Variants in LRFN5 observed in about 807,000 individuals in gnomAD.
LRFN5 encodes the protein leucine rich repeat and fibronectin type III domain containing 5, also known as leucine-rich repeat and fibronectin type-III domain-containing protein 5.
Under a neutral mutation model 45.6 loss-of-function variants are expected in LRFN5, and 24 were observed. That is an observed-to-expected ratio of 0.53 (90% confidence interval 0.38 to 0.74). LRFN5 has a LOEUF of 0.74. Among genes scored for constraint, LRFN5 ranks in the 30% least tolerant of loss-of-function variants. The pLI, the probability that LRFN5 is intolerant of heterozygous loss-of-function variation, is 0.00. For missense variants in LRFN5, 776 were observed against 861.5 expected (o/e 0.90, Z 1.24); for synonymous variants, 340 against 313.8 (o/e 1.08, Z -0.88).
chr14:41,844,166 A>G (rs144084347), intron 2 of LRFN5, among the ~76,000 whole-genome samples: 5,309 of 152,298 alleles, frequency 0.035, 119 homozygotes, highest in Non-Finnish European at 0.053. Flanking sequence ...GGCCGGGTGC[A>G]GTGGCTCACG....
chr14:41,841,107 G>T (rs1223714007), intron 2 of LRFN5, among the ~76,000 whole-genome samples: 1 of 151,430 alleles, frequency 6.6e-6, no homozygotes, highest in African/African-American at 2.4e-5. Flanking sequence ...TTCTACAATA[G>T]CAATCATTTA....
At chr14:41,653,312 C>G (rs1468776906) in intron 1 of LRFN5, among the ~76,000 whole-genome samples, 1 of 152,104 alleles carries the variant, frequency 6.6e-6, no homozygotes, top group Non-Finnish European at 1.5e-5. Context: ...ACATTTAAGT[C>G]TTTAGTCCAT....
chr14:41,704,606 G>A (rs1358231836), intron 1 of LRFN5, among the ~76,000 whole-genome samples: 3 of 151,720 alleles, frequency 2.0e-5, no homozygotes, highest in African/African-American at 4.8e-5. Flanking sequence ...CTACAGATGC[G>A]TGCCACCACA....
intron 2 of LRFN5, among the ~76,000 whole-genome samples, chr14:41,781,645 A>G (rs1315566313): frequency 1.3e-5 from 2 of 150,014 alleles, no homozygotes; most frequent in Non-Finnish European, 3.0e-5. Flanking sequence ...GAAAGAAAGA[A>G]AGAGAAAGAA....
chr14:41,674,778 C>G lies in LRFN5; in HGVS notation c.-197+66216C>G, dbSNP rs534516455. Among the ~76,000 whole-genome samples, 1,358 of 151,102 alleles carry G rather than the reference C, an allele frequency of 9.0e-3. 6 individuals are homozygous for G. Among genetic ancestry groups the G allele is most frequent in the East Asian group, 0.014 (69 of 5,010 alleles). ...CTCACTTCCCAGACGGGGTGGCTGC[C>G]GGGCGGAGAGGCTCCTCACTTCTCA... On this transcript the variant is annotated intron_variant, in intron 1 of 5. Transcript: ENST00000298119.
chr14:41,795,669 C>A (rs1000518054), intron 2 of LRFN5, among the ~76,000 whole-genome samples: 1 of 151,762 alleles, frequency 6.6e-6, no homozygotes, highest in Non-Finnish European at 1.5e-5. Context: ...AGCAAAGTAT[C>A]GCAAGGACAG....
chr14:41,777,685 C>T (rs1886339925), intron 2 of LRFN5, among the ~76,000 whole-genome samples: 1 of 151,748 alleles, frequency 6.6e-6, no homozygotes, highest in African/African-American at 2.4e-5. Flanking sequence ...TGATCAAGGT[C>T]ATTCTTATGT....
At chr14:41,851,879 T>C (rs1889278649) in intron 2 of LRFN5, among the ~76,000 whole-genome samples, 1 of 151,606 alleles carries the variant, frequency 6.6e-6, no homozygotes, top group South Asian at 2.1e-4. Flanking sequence ...TTGAGAAAAA[T>C]CAGAAATTAG....
intron 1 of LRFN5, among the ~76,000 whole-genome samples, chr14:41,750,182 G>A (rs994720969): frequency 1.3e-5 from 2 of 150,282 alleles, no homozygotes; most frequent in African/African-American, 4.9e-5. Flanking sequence ...ATTTCTTATT[G>A]TTTACATCCT....
intron 1 of LRFN5, among the ~76,000 whole-genome samples, chr14:41,751,418 C>A (rs955856336): frequency 6.6e-6 from 1 of 151,882 alleles, no homozygotes; most frequent in African/African-American, 2.4e-5. Context: ...ATAATCCTTC[C>A]ACATATATAT....
At chr14:41,777,213 G>A (rs1327735341) in intron 2 of LRFN5, among the ~76,000 whole-genome samples, 1 of 151,642 alleles carries the variant, frequency 6.6e-6, no homozygotes, top group African/African-American at 2.4e-5. Flanking sequence ...AATTTTAGGA[G>A]TACACAAGTT....
At chr14:41,879,894 A>T (rs190499571) in intron 2 of LRFN5, among the ~76,000 whole-genome samples, 9 of 91,690 alleles carry the variant, frequency 9.8e-5, no homozygotes, top group Admixed American at 4.0e-4. Context: ...TTTCTTAATT[A>T]TCTTGCAGGG....
At chr14:41,834,447 T>A (rs559374158) in intron 2 of LRFN5, among the ~76,000 whole-genome samples, 73 of 152,316 alleles carry the variant, frequency 4.8e-4, no homozygotes, top group African/African-American at 1.4e-3. Flanking sequence ...CAACTACACT[T>A]AGGGCATTTA....
At chr14:41,790,109 C>T (rs1002466253) in intron 2 of LRFN5, among the ~76,000 whole-genome samples, 3 of 151,912 alleles carry the variant, frequency 2.0e-5, no homozygotes, top group African/African-American at 7.2e-5. Flanking sequence ...ATAAATTCTA[C>T]TTCTTTGATG....
At chr14:41,748,411 A>G (rs1158137552) in intron 1 of LRFN5, among the ~76,000 whole-genome samples, 1 of 152,120 alleles carries the variant, frequency 6.6e-6, no homozygotes, top group Non-Finnish European at 1.5e-5. Context: ...AAATATGCCA[A>G]TTACAAAAGA....
chr14:41,830,408 AG>A (rs1475700030), intron 2 of LRFN5, among the ~76,000 whole-genome samples: 1 of 152,182 alleles, frequency 6.6e-6, no homozygotes, highest in African/African-American at 2.4e-5. Flanking sequence ...AAATATTTAA[AG>A]GGTTTTATTA....
At chr14:41,642,539 C>A (rs1879627526) in intron 1 of LRFN5, among the ~76,000 whole-genome samples, 1 of 152,060 alleles carries the variant, frequency 6.6e-6, no homozygotes, top group African/African-American at 2.4e-5. Context: ...CAAGTGGTTC[C>A]TCATTGTTAT....
At chr14:41,684,172 C>T (rs1411402310) in intron 1 of LRFN5, among the ~76,000 whole-genome samples, 2 of 152,132 alleles carry the variant, frequency 1.3e-5, no homozygotes, top group East Asian at 3.9e-4. Flanking sequence ...GTGCCAGGAA[C>T]ATACAATGAG....
chr14:41,673,951 AC>A (rs1231324040), intron 1 of LRFN5, among the ~76,000 whole-genome samples: 1 of 130,768 alleles, frequency 7.6e-6, no homozygotes, highest in Non-Finnish European at 1.7e-5. Context: ...GGGGGCTGAC[AC>A]CCCCACCTCC....
Sources: gnomAD v4.1 joint callset for allele counts (sites outside exome capture counted in the v4.1 genomes callset) on GRCh38, gnomAD v4.1.1 for gene constraint, MANE v1.5 for transcripts, NCBI Gene and HGNC (gene_info 2026-07-23, HGNC 2026-07-21) for gene names.